The following RNGTT variants were observed in gnomAD, a reference collection of about 807,000 sequenced individuals.
The protein encoded by RNGTT is RNA guanylyltransferase and 5'-phosphatase.
Under a neutral mutation model 79.3 loss-of-function variants are expected in RNGTT, and 33 were observed. That is an observed-to-expected ratio of 0.42 (90% CI 0.32 to 0.56). The LOEUF (loss-of-function observed/expected upper bound fraction) is 0.56, where lower values mean the gene tolerates loss of function less well. Ranked by LOEUF, RNGTT falls within the 20% of genes least tolerant of loss-of-function variation. RNGTT has a pLI of 0.17. For synonymous variants in RNGTT, 222 were observed against 235.9 expected (o/e 0.94, Z 0.54); for missense variants, 497 against 739.1 (o/e 0.67, Z 3.80).
intron 13 of RNGTT, among the ~76,000 whole-genome samples, chr6:88,717,659 G>A (rs537746705): frequency 6.6e-6 from 1 of 152,162 alleles, no homozygotes; most frequent in South Asian, 2.1e-4. Context: ...CACCAGCAAC[G>A]CAAAAACGCC....
chr6:88,783,570 G>A (rs1427743469), intron 12 of RNGTT, among the ~76,000 whole-genome samples: 1 of 151,834 alleles, frequency 6.6e-6, no homozygotes, highest in Non-Finnish European at 1.5e-5. Flanking sequence ...ACAAAATATA[G>A]AATTTAAAGA....
At chr6:88,952,907 C>T (rs1188275667) in intron 1 of RNGTT, among the ~76,000 whole-genome samples, 1 of 152,118 alleles carries the variant, frequency 6.6e-6, no homozygotes, top group Non-Finnish European at 1.5e-5. Flanking sequence ...CAAGCCCCAT[C>T]CCTAGAGGAA....
chr6:88,887,798 G>A (rs996965450), intron 8 of RNGTT, among the ~76,000 whole-genome samples: 3 of 152,154 alleles, frequency 2.0e-5, no homozygotes, highest in African/African-American at 4.8e-5. Context: ...CCATGATACT[G>A]TGAAGAAAGC....
intron 11 of RNGTT, among the ~76,000 whole-genome samples, chr6:88,843,012 C>A (rs1460096035): frequency 3.9e-5 from 6 of 151,962 alleles, no homozygotes; most frequent in Non-Finnish European, 8.8e-5. Flanking sequence ...GAGGTCAAGG[C>A]TGTGGTGAGC....
At chr6:88,771,457 A>C (rs1778680521) in intron 12 of RNGTT, among the ~76,000 whole-genome samples, 1 of 151,282 alleles carries the variant, frequency 6.6e-6, no homozygotes, top group Admixed American at 6.6e-5. Context: ...AACTTTATAC[A>C]TTTTGAAAAC....
At chr6:88,711,799 C>G (rs1351338502) in intron 13 of RNGTT, among the ~76,000 whole-genome samples, 1 of 152,122 alleles carries the variant, frequency 6.6e-6, no homozygotes, top group African/African-American at 2.4e-5. Flanking sequence ...CTCATTCACC[C>G]ATTTACTCAT....
At position 88,963,375 on chromosome 6, in the gene RNGTT, T is replaced by G. The variant is rs1785712366; in HGVS notation, c.35A>C (p.Asn12Thr). 1.2e-6 allele frequency: 2 copies of G among 1,610,274 alleles called. No homozygotes were observed. The highest frequency in any genetic ancestry group is 3.3e-5 in the Admixed American group (2 of 59,708). Residue 12 changes from asparagine to threonine, a missense_variant, in exon 1 of 16, where the codon AAC (asparagine) becomes ACC (threonine). Asn to Thr is a moderately conservative substitution (Grantham distance 65, BLOSUM62 0). Transcript: ENST00000369485. ...CACCGGCTGGCCGCGCCGGGGACAG[T>G]TCAGCCACCGCGGCGGGATCTTGTT... ...AHNKIPPRWL[N>T]CPRRGQPVAG...
chr6:88,612,563 C>T lies in RNGTT; in HGVS notation c.*156G>A. 4.0e-6 allele frequency: 3 copies of T among 752,050 alleles called. No individual in the cohort carries two copies. In the South Asian group the frequency reaches 5.4e-5, roughly 14 times the overall value. The allele number at this position is 752,050 out of a possible 1,614,324, so 46.6% of individuals were successfully genotyped here. ...AGGAAACGAATGCATCAAGTATTTACAGGCTGGCTACGATAACTTTCTTTT... is the reference window on the plus strand; with the variant it reads ...AGGAAACGAATGCATCAAGTATTTATAGGCTGGCTACGATAACTTTCTTTT... On this transcript the variant is annotated 3_prime_UTR_variant, in exon 16 of 16. Transcript: ENST00000369485.
At chr6:88,716,382 G>C (rs575618866) in intron 13 of RNGTT, among the ~76,000 whole-genome samples, 5 of 152,134 alleles carry the variant, frequency 3.3e-5, no homozygotes, top group East Asian at 1.9e-4. Flanking sequence ...CTGTAAACTC[G>C]TTCAACCATT....
At chr6:88,695,006 T>G (rs1023632644) in intron 13 of RNGTT, among the ~76,000 whole-genome samples, 15 of 152,124 alleles carry the variant, frequency 9.9e-5, no homozygotes, top group Admixed American at 9.2e-4. Flanking sequence ...TATTTTGTTA[T>G]AGCGCACAAA....
At chr6:88,924,421 G>C (rs142191240) in intron 4 of RNGTT, among the ~76,000 whole-genome samples, 16 of 152,232 alleles carry the variant, frequency 1.1e-4, no homozygotes, top group African/African-American at 3.9e-4. Context: ...ACTTACTGGT[G>C]TATAAGATAT....
chr6:88,780,002 A>T (rs62431772), intron 12 of RNGTT, among the ~76,000 whole-genome samples: 20,651 of 152,150 alleles, frequency 0.14, 1,535 homozygotes, highest in Middle Eastern at 0.23. Context: ...TCAAATAAAT[A>T]AATTAATTAA....
rs546181864 is a variant in RNGTT at position 88,663,218 on chromosome 6, T to C, written c.1506+15135A>G. 1.1e-3 allele frequency among the ~76,000 whole-genome samples: 170 copies of C among 152,244 alleles called. 4 individuals are homozygous for C. The highest frequency in any genetic ancestry group is 3.9e-3 in the African/African-American group (164 of 41,536). On this transcript the variant is annotated intron_variant, in intron 14 of 15. Transcript: ENST00000369485. ...AAAATACAAAGTAAGCCTACCCTGT[T>C]AGGAACTATGTTAAAGAATTTCAAG...
intron 9 of RNGTT, among the ~76,000 whole-genome samples, chr6:88,852,991 A>T (rs1321085): frequency 0.3 from 45,238 of 152,078 alleles, 10,130 homozygotes; most frequent in African/African-American, 0.63. Flanking sequence ...CATGTAACAT[A>T]TGTTTCTCTT....
At chr6:88,878,152 G>A (rs766821200) in intron 8 of RNGTT, among the ~76,000 whole-genome samples, 4 of 151,848 alleles carry the variant, frequency 2.6e-5, no homozygotes, top group Non-Finnish European at 4.4e-5. Context: ...CTGAAGTGTA[G>A]TGGTACAATC....
intron 4 of RNGTT, 39 bp from the exon 5 acceptor site, chr6:88,906,479 A>T: frequency 8.1e-7 from 1 of 1,236,762 alleles, no homozygotes; most frequent in Non-Finnish European, 1.1e-6. Context: ...TTAACAAATC[A>T]CTGCAGAGGC....
intron 13 of RNGTT, among the ~76,000 whole-genome samples, chr6:88,708,931 A>C (rs898546791): frequency 6.6e-6 from 1 of 152,140 alleles, no homozygotes; most frequent in East Asian, 1.9e-4. Flanking sequence ...TCTTCGAAAC[A>C]CATAGTATTA....
intron 6 of RNGTT, among the ~76,000 whole-genome samples, chr6:88,900,629 G>A (rs112816207): frequency 0.012 from 1,869 of 151,946 alleles, 39 homozygotes; most frequent in African/African-American, 0.044. Flanking sequence ...AGCTACTCAG[G>A]AGGCTGAGGC....
chr6:88,654,616 A>G (rs1358172389), intron 14 of RNGTT, among the ~76,000 whole-genome samples: 1 of 113,654 alleles, frequency 8.8e-6, no homozygotes, highest in Non-Finnish European at 1.8e-5. Context: ...AGTAACTATG[A>G]GATCTCATCT....
Sources: allele counts gnomAD v4.1 joint callset (sites outside exome capture counted in the v4.1 genomes callset), GRCh38; gene constraint gnomAD v4.1.1; transcripts MANE v1.5; gene names NCBI Gene and HGNC (gene_info 2026-07-23, HGNC 2026-07-21).